PLCG2: variants seen among roughly 807,000 people sequenced by gnomAD.
PLCG2 encodes the protein 1-phosphatidylinositol 4,5-bisphosphate phosphodiesterase gamma-2.
PLCG2 carries 69 observed loss-of-function variants against 175.6 expected under a neutral mutation model. The observed-to-expected ratio is 0.39, with a 90% CI of 0.32 to 0.48. The LOEUF is 0.48. PLCG2 is among the 20% of genes least tolerant of loss of function. The pLI, the probability that PLCG2 is intolerant of heterozygous loss-of-function variation, is 0.91. For synonymous variants in PLCG2, 827 were observed against 624.0 expected (o/e 1.33, Z -4.85); for missense variants, 1,798 against 1,650.9 (o/e 1.09, Z -1.54).
At chr16:81,841,743 G>A (rs957001501) in intron 2 of PLCG2, among the ~76,000 whole-genome samples, 22 of 152,066 alleles carry the variant, frequency 1.4e-4, no homozygotes, top group African/African-American at 4.1e-4. Context: ...TGTGTGCCTC[G>A]GAAGCCCCTT....
chr16:81,887,387 A>G (rs995738393), intron 9 of PLCG2, among the ~76,000 whole-genome samples: 7 of 152,172 alleles, frequency 4.6e-5, no homozygotes, highest in South Asian at 2.1e-4. Flanking sequence ...CCAAAGTGCT[A>G]GGATTACAGG....
intron 20 of PLCG2, among the ~76,000 whole-genome samples, chr16:81,920,272 T>G (rs189771347): frequency 5.3e-5 from 8 of 152,316 alleles, no homozygotes; most frequent in African/African-American, 1.9e-4. Context: ...TTGTCTCCAT[T>G]CCTACCACAT....
intron 5 of PLCG2, among the ~76,000 whole-genome samples, chr16:81,865,325 G>A (rs1907175243): frequency 6.6e-6 from 1 of 152,140 alleles, no homozygotes; most frequent in Non-Finnish European, 1.5e-5. Context: ...GCCTGCCTGT[G>A]CTGGTTTTGG....
intron 2 of PLCG2, among the ~76,000 whole-genome samples, chr16:81,823,761 C>G (rs1904911507): frequency 6.6e-6 from 1 of 151,584 alleles, no homozygotes; most frequent in Non-Finnish European, 1.5e-5. Flanking sequence ...AATTCCTGGC[C>G]TCAAGCAATC....
chr16:81,952,258 T>C (rs999601178), intron 31 of PLCG2, among the ~76,000 whole-genome samples: 16 of 152,090 alleles, frequency 1.1e-4, no homozygotes, highest in Non-Finnish European at 1.8e-4. Flanking sequence ...AAGTTACATA[T>C]ATATTTATAT....
chr16:81,882,543 C>G (rs1727787579), intron 8 of PLCG2, among the ~76,000 whole-genome samples: 1 of 152,082 alleles, frequency 6.6e-6, no homozygotes, highest in Admixed American at 6.5e-5. Context: ...GTGTCGAGCC[C>G]TGTCTGGGTA....
Position 81,860,172 on chromosome 16 carries a change from ATTTTTT to A in PLCG2, c.479+1019_479+1024del, listed in dbSNP as rs1555513300. The stretch of plus-strand genomic sequence containing the variant: ...TATTATTATTATTATTATTATTATT[ATTTTTT>A]TTTTTTTTTGTAAAGGTGAAGTCTT... On this transcript the variant is annotated intron_variant, in intron 5 of 32. Transcript: ENST00000564138. 1.7e-4 allele frequency among the ~76,000 whole-genome samples: 20 copies of A among 120,610 alleles called. 1 individual carries two copies. The highest frequency in any genetic ancestry group is 5.9e-4 in the African/African-American group (19 of 32,314). 79.1% of individuals were successfully genotyped at this position (120,610 alleles called of 152,430 possible). A position where few individuals can be genotyped will look rare whatever the true frequency, so the allele number is the denominator to read the frequency against.
At chr16:81,746,482 C>T (rs1361879052) in intron 1 of PLCG2, among the ~76,000 whole-genome samples, 2 of 152,202 alleles carry the variant, frequency 1.3e-5, no homozygotes, top group African/African-American at 2.4e-5. Context: ...GTCGTTTTCA[C>T]GTAGTCCAAG....
chr16:81,877,718 A>G (rs1051494429), intron 7 of PLCG2, among the ~76,000 whole-genome samples: 2 of 151,980 alleles, frequency 1.3e-5, no homozygotes, highest in Admixed American at 6.5e-5. Flanking sequence ...TGGTGTGCAG[A>G]CACCATCACT....
At chr16:81,906,546 C>T (rs368781393) in intron 15 of PLCG2, among the ~76,000 whole-genome samples, 5 of 152,210 alleles carry the variant, frequency 3.3e-5, no homozygotes, top group Non-Finnish European at 2.9e-5. Context: ...GCCTCATCTT[C>T]CCAAGTAACT....
chr16:81,873,159 C>G (rs976947013), intron 7 of PLCG2, among the ~76,000 whole-genome samples: 1 of 152,166 alleles, frequency 6.6e-6, no homozygotes, highest in African/African-American at 2.4e-5. Context: ...GGATTCTAGA[C>G]CCACTTGACC....
intron 31 of PLCG2, among the ~76,000 whole-genome samples, chr16:81,955,925 T>C (rs902622745): frequency 2.6e-5 from 4 of 152,142 alleles, no homozygotes; most frequent in Non-Finnish European, 5.9e-5. Flanking sequence ...TAACCACATA[T>C]CATATAATCA....
In PLCG2 at chr16:81,820,526, C is replaced by T. The variant is rs114219889; in HGVS notation, c.194-33918C>T. Among the ~76,000 whole-genome samples, 521 of 152,336 alleles carry T rather than the reference C, an allele frequency of 3.4e-3. 3 individuals are homozygous for T. Among genetic ancestry groups the T allele is most frequent in the African/African-American group, 0.012 (490 of 41,580 alleles). On this transcript the variant is annotated intron_variant, in intron 2 of 32. Coordinates refer to ENST00000564138, the MANE Select transcript of PLCG2 (RefSeq NM_002661.5). ...TCCTTTTCTGTTGCTGAGCAGCATT[C>T]CAGTGACCGAATATACCACTGCCTA...
chr16:81,756,814 TG>T (rs1237598238), intron 2 of PLCG2, among the ~76,000 whole-genome samples: 3 of 152,174 alleles, frequency 2.0e-5, no homozygotes, highest in African/African-American at 7.2e-5. Flanking sequence ...GGCTCTTCAG[TG>T]AGCTTGCTGC....
rs532802705 is a variant in PLCG2, at chr16:81,879,200, A to T, written c.649-1710A>T. ...CACACACTGGGCTCCCTCCAGATGT[A>T]AATAAGCTGGGTGTGGGGCTTTGGG... On this transcript the variant is annotated intron_variant, in intron 7 of 32. Coordinates refer to ENST00000564138, the MANE Select transcript of PLCG2 (RefSeq NM_002661.5). Among the ~76,000 whole-genome samples, 549 of 152,264 alleles carry T rather than the reference A, an allele frequency of 3.6e-3. 7 individuals carry two copies. The highest frequency in any genetic ancestry group is 0.013 in the African/African-American group (522 of 41,552).
rs371280238 is a variant in PLCG2 at position 81,809,332 on chromosome 16, C to T, written c.193+23150C>T. On this transcript the variant is annotated intron_variant, in intron 2 of 32. Coordinates refer to ENST00000564138, the MANE Select transcript of PLCG2 (RefSeq NM_002661.5). Reference sequence around the variant, plus strand: ...GGGGTGGCATGGCTGGGTGGGGAATCGGCAGATCAATACCCCAGCTCCCTC... The same window carrying T: ...GGGGTGGCATGGCTGGGTGGGGAATTGGCAGATCAATACCCCAGCTCCCTC... Among the ~76,000 whole-genome samples, 8 of 152,196 alleles carry T rather than the reference C, an allele frequency of 5.3e-5. No homozygotes were observed. The South Asian group carries it at 1.2e-3, about 24-fold the overall frequency.
chr16:81,942,009 A>ATGAC (rs1453435975), intron 30 of PLCG2, among the ~76,000 whole-genome samples: 1 of 152,226 alleles, frequency 6.6e-6, no homozygotes, highest in Non-Finnish European at 1.5e-5. Context: ...AGGCTTAGGA[A>ATGAC]TGACACCAAT....
intron 5 of PLCG2, among the ~76,000 whole-genome samples, chr16:81,863,884 G>T (rs575170925): frequency 6.6e-6 from 1 of 152,180 alleles, no homozygotes; most frequent in Admixed American, 6.5e-5. Context: ...TGGAAGGCAG[G>T]TGGGTGAGTC....
intron 9 of PLCG2, among the ~76,000 whole-genome samples, chr16:81,885,472 C>G (rs570387594): frequency 6.6e-6 from 1 of 152,198 alleles, no homozygotes; most frequent in Non-Finnish European, 1.5e-5. Context: ...CCCACTTTGC[C>G]AGTTTTATTT....
Sources: allele counts gnomAD v4.1 joint callset (sites outside exome capture counted in the v4.1 genomes callset), GRCh38; gene constraint gnomAD v4.1.1; transcripts MANE v1.5; gene names NCBI Gene and HGNC (gene_info 2026-07-23, HGNC 2026-07-21).